HP1BP3: variants seen among roughly 807,000 people sequenced by gnomAD.
The protein encoded by HP1BP3 is heterochromatin protein 1-binding protein 3.
A neutral mutation model predicts 62.5 loss-of-function variants in HP1BP3; 12 were observed. The observed-to-expected ratio is 0.19, with a 90% confidence interval of 0.12 to 0.31. The LOEUF is 0.31. Ranked by LOEUF, HP1BP3 falls within the 10% of genes least tolerant of loss-of-function variation. HP1BP3 has a pLI of 1.00. For synonymous variants in HP1BP3, 260 were observed against 237.8 expected (o/e 1.09, Z -0.86); for missense variants, 502 against 651.8 (o/e 0.77, Z 2.50).
rs1467626425 is a variant in HP1BP3, at chr1:20,776,614, A to G, written c.333T>C (p.Ser111=). ...ENEEKEENKS[S]EETKKDEKDQ... The stretch of plus-strand genomic sequence containing the variant: ...CTCCTTACTCCTTTTTGGTTTCCTC[A>G]GAAGACTTATTTTCTTCCTTCTCTT... The change falls in exon 4 of 13, where the codon TCT becomes TCC. Residue 111 remains serine (S), a synonymous_variant. Coordinates refer to ENST00000438032, the MANE Select transcript of HP1BP3 (RefSeq NM_001372052.1). The G allele has an allele frequency of 6.2e-6, 10 of 1,612,462 alleles. No homozygotes were observed. The highest frequency in any genetic ancestry group is 1.3e-5 in the African/African-American group (1 of 74,944).
In HP1BP3 at chr1:20,741,491, A is replaced by C. The variant is rs2154539213; in HGVS notation, c.*3306T>G. Among the ~76,000 whole-genome samples, 1 of 152,382 alleles carries C rather than the reference A, an allele frequency of 6.6e-6. No homozygotes were observed. The highest frequency in any genetic ancestry group is 2.1e-4 in the South Asian group (1 of 4,832). ...TGTCATTTTCCTGTTAATTATACCC[A>C]AAAGACATGATTAAAACATACACCT... On this transcript the variant is annotated 3_prime_UTR_variant, in exon 13 of 13. Transcript: ENST00000438032.
In HP1BP3 at chr1:20,749,720, T is replaced by TA; in HGVS notation, c.1141+2dup. On this transcript the variant is annotated splice_region_variant and intron_variant, in intron 10 of 12. Coordinates refer to ENST00000438032, the MANE Select transcript of HP1BP3 (RefSeq NM_001372052.1). ...CAGTTAAATATACACAACCGAGTCT[T>TA]ACTTTGATAGTTAGAATTGGTTCCT... 6.2e-7 allele frequency: 1 copy of TA among 1,607,978 alleles called. No individual in the cohort carries two copies. Among genetic ancestry groups the TA allele is most frequent in the Non-Finnish European group, 8.5e-7 (1 of 1,177,778 alleles).
intron 3 of HP1BP3, among the ~76,000 whole-genome samples, chr1:20,778,141 C>T (rs1470120947): frequency 9.9e-6 from 1 of 101,316 alleles, no homozygotes; most frequent in East Asian, 2.9e-4. Context: ...AGGGGTTTTA[C>T]GGTAGTAAGA....
intron 1 of HP1BP3, 93 bp from the exon 2 acceptor site, chr1:20,780,633 T>A: frequency 1.8e-6 from 1 of 568,800 alleles, no homozygotes; most frequent in Admixed American, 3.0e-5. Context: ...GGAAAAAATA[T>A]AACTATAAAA....
At chr1:20,773,742 C>T (rs150426627) in intron 4 of HP1BP3, 132 bp from the exon 5 acceptor site, 6 of 552,952 alleles carry the variant, frequency 1.1e-5, no homozygotes, top group African/African-American at 7.7e-5. Flanking sequence ...TGACATGTAC[C>T]ATAAGCAAAA....
intron 11 of HP1BP3, among the ~76,000 whole-genome samples, chr1:20,747,341 G>C (rs1455001570): frequency 6.6e-6 from 1 of 152,078 alleles, no homozygotes. Flanking sequence ...AAAGAGGACA[G>C]ACTTTTCAGA....
chr1:20,768,787 C>T (rs1288745211), intron 6 of HP1BP3, among the ~76,000 whole-genome samples: 1 of 152,074 alleles, frequency 6.6e-6, no homozygotes, highest in African/African-American at 2.4e-5. Context: ...GTGTAGTGAG[C>T]TGAGACCATG....
At chr1:20,786,312 T>C (rs929178299) in intron 1 of HP1BP3, 2 of 152,266 alleles carry the variant, frequency 1.3e-5, no homozygotes, top group East Asian at 1.9e-4. Flanking sequence ...AGTTCTACGT[T>C]TCCCACCGGG....
intron 8 of HP1BP3, 35 bp downstream of exon 8, chr1:20,765,342 C>T: frequency 2.0e-6 from 3 of 1,463,816 alleles, no homozygotes; most frequent in Non-Finnish European, 1.9e-6. Context: ...GGAAGTAACA[C>T]ATCATGTTTT....
intron 1 of HP1BP3, among the ~76,000 whole-genome samples, chr1:20,782,125 G>A (rs781651454): frequency 1.3e-5 from 2 of 152,074 alleles, no homozygotes; most frequent in Non-Finnish European, 2.9e-5. Context: ...AGGAGTCTCC[G>A]TTCATAGGCA....
chr1:20,750,092 TTCCATCTACCC>T, intron 9 of HP1BP3: 7 of 937,168 alleles, frequency 7.5e-6, no homozygotes, highest in Non-Finnish European at 1.0e-5. Context: ...TATTTTCTCC[TTCCATCTACCC>T]TCCATCCACC....
intron 7 of HP1BP3, among the ~76,000 whole-genome samples, chr1:20,766,474 ATAT>A (rs961748696): frequency 6.6e-6 from 1 of 152,228 alleles, no homozygotes; most frequent in African/African-American, 2.4e-5. Context: ...GTGTAGAAAA[ATAT>A]TATTTCAATT....
Position 20,752,153 on chromosome 1 carries a change from G to C in HP1BP3, c.982-2271C>G, listed in dbSNP as rs187620140. Among the ~76,000 whole-genome samples the C allele has an allele frequency of 5.1e-3, 770 of 151,984 alleles. 7 individuals are homozygous for C. Among genetic ancestry groups the C allele is most frequent in the African/African-American group, 0.018 (739 of 41,470 alleles). ...TGCATGCCTGTAATCCCAGCTACTTGGGCAAGGCTGGGGCAGGAGAATCGC... is the reference window on the plus strand; with the variant it reads ...TGCATGCCTGTAATCCCAGCTACTTCGGCAAGGCTGGGGCAGGAGAATCGC... On this transcript the variant is annotated intron_variant, in intron 9 of 12. Transcript: ENST00000438032.
At chr1:20,776,028 AT>A in intron 4 of HP1BP3, 1 of 1,446,890 alleles carries the variant, frequency 6.9e-7, no homozygotes, top group Non-Finnish European at 9.2e-7. Flanking sequence ...AAAAAAAAAA[AT>A]TAAAAATTAA....
intron 9 of HP1BP3, chr1:20,750,102 C>T: frequency 1.3e-6 from 1 of 792,560 alleles, no homozygotes; most frequent in East Asian, 3.5e-5. Flanking sequence ...TTCCATCTAC[C>T]CTCCATCCAC....
At chr1:20,745,480 C>T in intron 12 of HP1BP3, 63 bp downstream of exon 12, 2 of 1,568,902 alleles carry the variant, frequency 1.3e-6, no homozygotes, top group Non-Finnish European at 1.7e-6. Context: ...CCTCCTATAG[C>T]ACTATTTTTC....
Position 20,773,471 on chromosome 1 carries a change from T to C in HP1BP3, c.490A>G (p.Ile164Val), listed in dbSNP as rs144666931. The C allele has an allele frequency of 5.0e-5, 81 of 1,611,416 alleles. No homozygotes were observed. Among genetic ancestry groups the C allele is most frequent in the Non-Finnish European group, 6.3e-5 (74 of 1,178,836 alleles). Residue 164 changes from isoleucine (I) to valine (V), a missense_variant, in exon 5 of 13, where the codon ATC becomes GTC. Around this residue, in one of 5 missense-constraint regions of HP1BP3, gnomAD observed 25 missense variants for 22.5 expected, o/e 1.11. Transcript: ENST00000438032. ...ASSPRPKMDAILTEAIKACFQ... is the reference protein window; with the variant it reads ...ASSPRPKMDAVLTEAIKACFQ... ...CTTGCCTTAATGGCCTCAGTTAAGA[T>C]TGCATCCATCTTGGGACGTGGGGAA...
intron 4 of HP1BP3, chr1:20,775,988 T>C (rs1341846796): frequency 6.8e-7 from 1 of 1,477,106 alleles, no homozygotes; most frequent in Non-Finnish European, 9.0e-7. Context: ...AAGAGTGGAA[T>C]GAATACTATC....
chr1:20,749,639 G>A (rs2055586885), intron 10 of HP1BP3, 84 bp downstream of exon 10: 4 of 1,334,016 alleles, frequency 3.0e-6, no homozygotes, highest in African/African-American at 1.5e-5. Flanking sequence ...GATTACAGGC[G>A]TGAGCCACAG....
Sources: gnomAD v4.1 joint callset for allele counts (sites outside exome capture counted in the v4.1 genomes callset) on GRCh38, gnomAD v4.1.1 for gene constraint, gnomAD v4.1.1 regional missense constraint, MANE v1.5 for transcripts, NCBI Gene and HGNC (gene_info 2026-07-23, HGNC 2026-07-21) for gene names.